TANC2: variants seen among roughly 807,000 people sequenced by gnomAD.
The protein encoded by TANC2 is tetratricopeptide repeat, ankyrin repeat and coiled-coil containing 2, also known as protein TANC2.
A neutral mutation model predicts 210.5 loss-of-function variants in TANC2; 26 were observed. The ratio of observed to expected loss-of-function variants is 0.12; its 90% CI spans 0.09 to 0.17. The LOEUF (loss-of-function observed/expected upper bound fraction) is 0.17, where lower values mean the gene tolerates loss of function less well. Ranked by LOEUF, TANC2 falls within the 10% of genes least tolerant of loss-of-function variation. TANC2 has a pLI of 1.00. For missense variants in TANC2, 2,129 were observed against 2,608.9 expected (o/e 0.82, Z 4.01); for synonymous variants, 931 against 967.1 (o/e 0.96, Z 0.69).
chr17:63,052,198 C>T (rs532678651), intron 2 of TANC2, among the ~76,000 whole-genome samples: 3 of 152,194 alleles, frequency 2.0e-5, no homozygotes, highest in Admixed American at 6.5e-5. Flanking sequence ...CAGATGTCGT[C>T]GTATATTTTG....
chr17:63,109,819 A>G (rs1310867141), intron 4 of TANC2, among the ~76,000 whole-genome samples: 1 of 151,676 alleles, frequency 6.6e-6, no homozygotes, highest in African/African-American at 2.4e-5. Flanking sequence ...TCTAATTTAC[A>G]TGGATGGAAA....
intron 8 of TANC2, among the ~76,000 whole-genome samples, chr17:63,262,790 G>GAAAGA (rs916056112): frequency 1.3e-5 from 2 of 152,084 alleles, no homozygotes; most frequent in African/African-American, 4.8e-5. Context: ...CCCCAAAAAA[G>GAAAGA]AAAGAAAGAA....
At chr17:63,359,674 A>G (rs1383564206) in intron 14 of TANC2, among the ~76,000 whole-genome samples, 1 of 152,140 alleles carries the variant, frequency 6.6e-6, no homozygotes, top group Non-Finnish European at 1.5e-5. Context: ...TAAATGTTTG[A>G]ATAAGATACA....
intron 4 of TANC2, among the ~76,000 whole-genome samples, chr17:63,146,938 T>C (rs963664859): frequency 2.6e-5 from 4 of 152,036 alleles, no homozygotes; most frequent in Non-Finnish European, 5.9e-5. Context: ...ATAGACCCCA[T>C]ATGGTTAATA....
chr17:62,978,132 T>C (rs2143369227), intron 1 of TANC2, among the ~76,000 whole-genome samples: 1 of 152,304 alleles, frequency 6.6e-6, no homozygotes, highest in Non-Finnish European at 1.5e-5. Context: ...TTTGCTATTA[T>C]AAACATTAGT....
At chr17:63,169,996 G>A (rs1483880610) in intron 5 of TANC2, among the ~76,000 whole-genome samples, 1 of 151,466 alleles carries the variant, frequency 6.6e-6, no homozygotes, top group Non-Finnish European at 1.5e-5. Flanking sequence ...GCAGGTGCCT[G>A]TAGTCCCAGC....
At chr17:63,075,876 T>C (rs556735624) in intron 3 of TANC2, among the ~76,000 whole-genome samples, 11 of 152,080 alleles carry the variant, frequency 7.2e-5, no homozygotes, top group Non-Finnish European at 1.2e-4. Context: ...GAAATAGTAT[T>C]AGGAGTAAAA....
At chr17:63,053,536 C>G (rs965751440) in intron 2 of TANC2, among the ~76,000 whole-genome samples, 2 of 152,254 alleles carry the variant, frequency 1.3e-5, no homozygotes, top group Non-Finnish European at 2.9e-5. Flanking sequence ...TCTTAGTCCT[C>G]TGACCTCTTT....
At chr17:63,203,417 A>C (rs971235428) in intron 7 of TANC2, among the ~76,000 whole-genome samples, 7 of 152,334 alleles carry the variant, frequency 4.6e-5, no homozygotes, top group African/African-American at 1.7e-4. Flanking sequence ...CATATACAGT[A>C]TCTGTGCCTT....
chr17:63,280,546 C>T (rs1219741501), intron 9 of TANC2, among the ~76,000 whole-genome samples: 1 of 152,008 alleles, frequency 6.6e-6, no homozygotes, highest in Admixed American at 6.6e-5. Flanking sequence ...TCCCACCATC[C>T]TTTGTAGTAA....
chr17:63,052,010 C>T (rs886106331), intron 2 of TANC2, among the ~76,000 whole-genome samples: 1 of 152,008 alleles, frequency 6.6e-6, no homozygotes, highest in Admixed American at 6.6e-5. Context: ...GCAGATAAGG[C>T]GGGACTGTTG....
At chr17:63,177,784 A>G (rs2040640410) in intron 5 of TANC2, among the ~76,000 whole-genome samples, 1 of 152,202 alleles carries the variant, frequency 6.6e-6, no homozygotes, top group South Asian at 2.1e-4. Flanking sequence ...CCAGAGCACA[A>G]GAACACAAGT....
Position 63,411,648 on chromosome 17 carries a change from C to G in TANC2, c.3727C>G (p.Pro1243Ala), listed in dbSNP as rs1400120288. ...CCATGCTGACAAGAATGGCCGTACC[C>G]CACTGGATCTGGCAGCTTTCTATGG... Residue 1243 changes from proline (P) to alanine (A), a missense_variant, in exon 22 of 28, where the codon CCA (proline) becomes GCA (alanine). This residue lies in a region of TANC2 where 644 missense variants were observed against 937.5 expected (regional missense o/e 0.69). Coordinates refer to ENST00000689528, the Ensembl canonical transcript of TANC2. 1.2e-6 allele frequency: 2 copies of G among 1,613,650 alleles called. No homozygotes were observed. Among genetic ancestry groups the G allele is most frequent in the Non-Finnish European group, 1.7e-6 (2 of 1,179,782 alleles).
intron 14 of TANC2, among the ~76,000 whole-genome samples, chr17:63,376,814 CTTTT>C (rs771564600): frequency 1.6e-5 from 2 of 125,972 alleles, no homozygotes; most frequent in South Asian, 2.5e-4. Flanking sequence ...CCACTGTACT[CTTTT>C]TTTTTTTTTT....
chr17:63,271,171 A>C (rs2043691378), intron 9 of TANC2, among the ~76,000 whole-genome samples: 1 of 152,078 alleles, frequency 6.6e-6, no homozygotes, highest in African/African-American at 2.4e-5. Context: ...ATTCCTTCGA[A>C]TATACCCAGT....
chr17:63,415,401 C>T lies in TANC2; in HGVS notation c.4021-127C>T, dbSNP rs575254675. 2.9e-4 allele frequency: 367 copies of T among 1,261,348 alleles called. 2 individuals carry two copies. In the South Asian group the frequency reaches 5.4e-3, roughly 19 times the overall value. The allele number at this position is 1,261,348 out of a possible 1,614,324, so 78.1% of individuals were successfully genotyped here. ...TCACCATCAGGGCCAGAACTCCTCT[C>T]TAGGCTGGCGTTTGGGAGGGTTAGC... On this transcript the variant is annotated intron_variant, in intron 25 of 27. Transcript: ENST00000689528.
intron 9 of TANC2, among the ~76,000 whole-genome samples, chr17:63,309,461 T>A (rs1200577963): frequency 2.0e-5 from 3 of 152,092 alleles, no homozygotes; most frequent in African/African-American, 7.3e-5. Flanking sequence ...TAAACATTTT[T>A]AAATGTTTGC....
chr17:63,164,571 G>A (rs1321232739), intron 5 of TANC2, among the ~76,000 whole-genome samples: 1 of 152,074 alleles, frequency 6.6e-6, no homozygotes, highest in Admixed American at 6.6e-5. Context: ...ATGAGGGATT[G>A]TCTCAGGCAA....
intron 7 of TANC2, among the ~76,000 whole-genome samples, chr17:63,228,248 G>C (rs571527568): frequency 2.6e-5 from 4 of 152,072 alleles, no homozygotes; most frequent in Non-Finnish European, 5.9e-5. Flanking sequence ...GTAGATGTGT[G>C]GTCTTCATTT....
Sources: allele counts gnomAD v4.1 joint callset (sites outside exome capture counted in the v4.1 genomes callset), GRCh38; gene constraint gnomAD v4.1.1; regional missense constraint gnomAD v4.1.1; transcripts MANE v1.5; gene names NCBI Gene and HGNC (gene_info 2026-07-23, HGNC 2026-07-21).